Variants in POU2F3 observed in about 807,000 individuals in gnomAD.
The protein encoded by POU2F3 is POU class 2 homeobox 3.
A neutral mutation model predicts 59.2 loss-of-function variants in POU2F3; 23 were observed. The observed-to-expected ratio is 0.39, with a 90% confidence interval of 0.28 to 0.55. The LOEUF (loss-of-function observed/expected upper bound fraction) is 0.55. Ranked by LOEUF, POU2F3 falls within the 20% of genes least tolerant of loss-of-function variation. The pLI, the probability that POU2F3 is intolerant of heterozygous loss-of-function variation, is 0.66. For missense variants in POU2F3, 473 were observed against 544.5 expected (o/e 0.87, Z 1.31); for synonymous variants, 190 against 214.6 (o/e 0.89, Z 1.00).
intron 3 of POU2F3, among the ~76,000 whole-genome samples, chr11:120,279,704 C>A (rs1940485030): frequency 6.6e-6 from 1 of 152,232 alleles, no homozygotes; most frequent in Non-Finnish European, 1.5e-5. Flanking sequence ...CTGTTTGTAG[C>A]CTGGGCAGCA....
rs923589002 is a variant in POU2F3 at position 120,265,423 on chromosome 11, T to G, written c.98-3787T>G. The G allele has an allele frequency of 4.6e-5, 7 of 152,190 alleles. No individual in the cohort carries two copies. In the South Asian group the frequency reaches 8.3e-4, roughly 18 times the overall value. The allele number at this position is 152,190 out of a possible 1,614,324, so 9.4% of individuals were successfully genotyped here. On this transcript the variant is annotated intron_variant, in intron 2 of 12. Coordinates refer to ENST00000543440, the MANE Select transcript of POU2F3 (RefSeq NM_014352.4). Reference sequence around the variant, plus strand: ...GGCATGGCTGGCCCCTGCACTCTAATCCTGCCCTTCATTGTGCCTGGGAAC... The same window carrying G: ...GGCATGGCTGGCCCCTGCACTCTAAGCCTGCCCTTCATTGTGCCTGGGAAC...
In POU2F3 at chr11:120,240,265, C is replaced by A. The variant is rs532752759; in HGVS notation, c.-79C>A. 3 of 1,268,174 alleles carry A rather than the reference C, an allele frequency of 2.4e-6. No individual in the cohort carries two copies. The South Asian group carries it at 9.9e-5, about 42-fold the overall frequency. 78.6% of individuals were successfully genotyped at this position (1,268,174 alleles called of 1,614,324 possible). A position where few individuals can be genotyped will look rare whatever the true frequency, so the allele number is the denominator to read the frequency against. On this transcript the variant is annotated 5_prime_UTR_variant, in exon 1 of 13. Transcript: ENST00000543440. ...CGGCCGGGAACTGGAGGAAGGAGAC[C>A]CTGGCTTCGCAGGGGCCCCGGCTGG...
intron 3 of POU2F3, among the ~76,000 whole-genome samples, chr11:120,279,154 C>A (rs1047015636): frequency 2.6e-5 from 4 of 151,906 alleles, no homozygotes; most frequent in African/African-American, 7.3e-5. Flanking sequence ...TATTTAAAGA[C>A]AGGCTTGCCA....
intron 2 of POU2F3, 85 bp from the exon 3 acceptor site, chr11:120,269,125 C>A: frequency 9.6e-7 from 1 of 1,044,888 alleles, no homozygotes; most frequent in Non-Finnish European, 1.4e-6. Flanking sequence ...GAGCCACACG[C>A]CTCTCAACAT....
At chr11:120,275,644 G>A (rs755129651) in intron 3 of POU2F3, among the ~76,000 whole-genome samples, 1 of 152,106 alleles carries the variant, frequency 6.6e-6, no homozygotes, top group Non-Finnish European at 1.5e-5. Context: ...GTCCTGTGAG[G>A]CCAGAAGAGA....
intron 10 of POU2F3, among the ~76,000 whole-genome samples, chr11:120,314,496 G>A (rs538803819): frequency 6.6e-6 from 1 of 152,230 alleles, no homozygotes; most frequent in Non-Finnish European, 1.5e-5. Flanking sequence ...TGTTGGGTTG[G>A]AAGCTTTACA....
At chr11:120,237,534 G>A (rs1046613060), upstream of POU2F3, among the ~76,000 whole-genome samples, 15 of 152,092 alleles carry the variant, frequency 9.9e-5, no homozygotes, top group Admixed American at 9.8e-4. Context: ...TATCAAATAT[G>A]GGCCTCTCTG....
chr11:120,244,220 G>A (rs2135122249), intron 1 of POU2F3, among the ~76,000 whole-genome samples: 2 of 152,228 alleles, frequency 1.3e-5, no homozygotes, highest in Middle Eastern at 3.4e-3. Flanking sequence ...CCAGATAAAG[G>A]ACAAATTACA....
intron 2 of POU2F3, among the ~76,000 whole-genome samples, chr11:120,263,677 C>T (rs992533228): frequency 6.6e-6 from 1 of 152,160 alleles, no homozygotes; most frequent in Non-Finnish European, 1.5e-5. Context: ...TTCTCTGAGG[C>T]TATGTGTGGC....
At chr11:120,279,991 TGAA>T (rs1172314331) in intron 3 of POU2F3, among the ~76,000 whole-genome samples, 6 of 152,130 alleles carry the variant, frequency 3.9e-5, no homozygotes, top group Non-Finnish European at 8.8e-5. Context: ...ACAGTGAGAA[TGAA>T]GGAGGGAGAA....
chr11:120,237,499 C>T (rs1938532896), upstream of POU2F3, among the ~76,000 whole-genome samples: 1 of 152,086 alleles, frequency 6.6e-6, no homozygotes, highest in African/African-American at 2.4e-5. Context: ...TCCTAGGCTG[C>T]TGGAGACAGA....
intron 10 of POU2F3, 47 bp from the exon 11 acceptor site, chr11:120,315,314 G>A: frequency 6.5e-7 from 1 of 1,534,096 alleles, no homozygotes; most frequent in Non-Finnish European, 9.0e-7. Context: ...TCTGAAGTTG[G>A]AGAAGGGAGC....
chr11:120,305,319 C>T, intron 7 of POU2F3, 107 bp downstream of exon 7: 1 of 1,289,250 alleles, frequency 7.8e-7, no homozygotes. Context: ...TGTTTGGGGT[C>T]TCCTCATCAT....
intron 3 of POU2F3, among the ~76,000 whole-genome samples, chr11:120,290,829 C>T (rs190540359): frequency 3.9e-4 from 60 of 152,292 alleles, no homozygotes; most frequent in African/African-American, 1.1e-3. Context: ...TATGGGCACG[C>T]GCGTGCACGC....
chr11:120,296,717 G>A (rs908737068), intron 3 of POU2F3, among the ~76,000 whole-genome samples: 1 of 152,174 alleles, frequency 6.6e-6, no homozygotes, highest in Non-Finnish European at 1.5e-5. Context: ...TTCCCATACA[G>A]GACATTATCT....
At chr11:120,300,136 A>G (rs143315758) in intron 5 of POU2F3, among the ~76,000 whole-genome samples, 67 of 152,310 alleles carry the variant, frequency 4.4e-4, no homozygotes, top group Middle Eastern at 6.8e-3. Context: ...CTGTGATTCT[A>G]TTTGGAGAGA....
chr11:120,238,439 C>T (rs865820103), upstream of POU2F3, among the ~76,000 whole-genome samples: 3 of 151,984 alleles, frequency 2.0e-5, no homozygotes, highest in African/African-American at 2.4e-5. Flanking sequence ...CAGCCCTGTT[C>T]TAGGTGCTGG....
chr11:120,242,895 C>T (rs74902619), intron 1 of POU2F3, among the ~76,000 whole-genome samples: 3 of 152,138 alleles, frequency 2.0e-5, no homozygotes, highest in South Asian at 2.1e-4. Flanking sequence ...GAAGTAGACC[C>T]GAGACAGCCA....
At chr11:120,278,506 A>T (rs1313728021) in intron 3 of POU2F3, among the ~76,000 whole-genome samples, 1 of 152,182 alleles carries the variant, frequency 6.6e-6, no homozygotes, top group Non-Finnish European at 1.5e-5. Context: ...ACATAGAAAT[A>T]CAACACCAGG....
Sources: gnomAD v4.1 joint callset for allele counts (sites outside exome capture counted in the v4.1 genomes callset) on GRCh38, gnomAD v4.1.1 for gene constraint, MANE v1.5 for transcripts, NCBI Gene and HGNC (gene_info 2026-07-23, HGNC 2026-07-21) for gene names.